GCNT1: variants seen among roughly 807,000 people sequenced by gnomAD.
GCNT1 encodes beta-1,3-galactosyl-O-glycosyl-glycoprotein beta-1,6-N-acetylglucosaminyltransferase.
A neutral mutation model predicts 26.2 loss-of-function variants in GCNT1; 16 were observed. That is an observed-to-expected ratio of 0.61 (90% CI 0.41 to 0.93). GCNT1 has a LOEUF of 0.93. Among genes scored for constraint, GCNT1 ranks in the 40% least tolerant of loss-of-function variants. The pLI is 0.00. For synonymous variants in GCNT1, 183 were observed against 190.8 expected, an observed-to-expected ratio of 0.96 and a Z score of 0.34; for missense variants, 477 against 526.7, an observed-to-expected ratio of 0.91 and a Z score of 0.92.
intron 1 of GCNT1, among the ~76,000 whole-genome samples, chr9:76,427,328 C>T (rs1449147491): frequency 6.6e-6 from 1 of 151,694 alleles, no homozygotes; most frequent in Non-Finnish European, 1.5e-5. Context: ...ACTACAGCTA[C>T]GCACCCATGC....
chr9:76,407,325 T>C, the GCNT1 span, among the ~76,000 whole-genome samples: 1 of 152,236 alleles, frequency 6.6e-6, no homozygotes, highest in South Asian at 2.1e-4. Flanking sequence ...CTTTTTTTTT[T>C]CCTGCATGTA....
upstream of GCNT1, among the ~76,000 whole-genome samples, chr9:76,455,777 T>G (rs1823749565): frequency 6.6e-6 from 1 of 152,124 alleles, no homozygotes; most frequent in Non-Finnish European, 1.5e-5. Context: ...AATTTTTATA[T>G]TTTTAGTAGA....
chr9:76,469,120 T>G (rs1290957255), intron 2 of GCNT1, among the ~76,000 whole-genome samples: 1 of 151,972 alleles, frequency 6.6e-6, no homozygotes, highest in Admixed American at 6.6e-5. Flanking sequence ...AAACTAAGTG[T>G]CAAGATTTAG....
chr9:76,487,256 T>C (rs917964057), intron 2 of GCNT1, among the ~76,000 whole-genome samples: 2 of 152,170 alleles, frequency 1.3e-5, no homozygotes, highest in Non-Finnish European at 2.9e-5. Context: ...TTGGGTGGCG[T>C]TTGGGCTCCC....
the GCNT1 span, among the ~76,000 whole-genome samples, chr9:76,396,716 C>T: frequency 2.6e-5 from 4 of 152,096 alleles, no homozygotes; most frequent in Admixed American, 2.6e-4. Context: ...GTGGCGCTCA[C>T]CTGTGGTCCT....
chr9:76,399,390 G>A, the GCNT1 span: 1 of 1,470,210 alleles, frequency 6.8e-7, no homozygotes. Flanking sequence ...CAGGGTGAAT[G>A]GACTGCTCCA....
intron 1 of GCNT1, among the ~76,000 whole-genome samples, chr9:76,445,564 T>A (rs528368403): frequency 6.6e-6 from 1 of 151,548 alleles, no homozygotes; most frequent in African/African-American, 2.4e-5. Flanking sequence ...ATTTTTGTAT[T>A]TCTTTTTTGG....
intron 1 of GCNT1, among the ~76,000 whole-genome samples, chr9:76,428,439 A>G (rs1392486749): frequency 6.6e-6 from 1 of 152,046 alleles, no homozygotes; most frequent in Non-Finnish European, 1.5e-5. Flanking sequence ...TACATAAAAT[A>G]AATGAGAATA....
chr9:76,493,689 T>C (rs181403153), intron 2 of GCNT1, among the ~76,000 whole-genome samples: 1 of 152,084 alleles, frequency 6.6e-6, no homozygotes. Flanking sequence ...AGGAGAGCTA[T>C]AGGGAGGCTA....
chr9:76,427,785 G>A (rs945435244), intron 1 of GCNT1, among the ~76,000 whole-genome samples: 4 of 152,216 alleles, frequency 2.6e-5, no homozygotes, highest in South Asian at 2.1e-4. Context: ...CCAGGAGTTC[G>A]AGACCACCCT....
intron 2 of GCNT1, among the ~76,000 whole-genome samples, chr9:76,482,013 C>T (rs1200929853): frequency 6.6e-6 from 1 of 152,150 alleles, no homozygotes; most frequent in African/African-American, 2.4e-5. Context: ...CCCCAGGTAA[C>T]ATTGTCTTTA....
intron 1 of GCNT1, among the ~76,000 whole-genome samples, chr9:76,425,440 C>T (rs1823248178): frequency 6.6e-6 from 1 of 152,064 alleles, no homozygotes; most frequent in Non-Finnish European, 1.5e-5. Context: ...CTAGGCTGGT[C>T]TTGAACTCCT....
chr9:76,506,112 CGAT>C lies in GCNT1; in HGVS notation c.*2446_*2448del, dbSNP rs1167807290. Reference sequence around the variant, plus strand: ...TGACAAGAAATTTAAAGAATCAAAACGATGGTTTGAAAAGGAAACCTATGATAC... The same window carrying C: ...TGACAAGAAATTTAAAGAATCAAAACGGTTTGAAAAGGAAACCTATGATAC... On this transcript the variant is annotated 3_prime_UTR_variant, in exon 4 of 4. Transcript: ENST00000376730. 6 of 166,858 alleles carry C rather than the reference CGAT, an allele frequency of 3.6e-5. No individual in the cohort carries two copies. The highest frequency in any genetic ancestry group is 5.9e-5 in the Non-Finnish European group (4 of 68,094). 10.3% of individuals were successfully genotyped at this position (166,858 alleles called of 1,614,324 possible). A position where few individuals can be genotyped will look rare whatever the true frequency, so the allele number is the denominator to read the frequency against.
chr9:76,414,728 A>G, the GCNT1 span, among the ~76,000 whole-genome samples: 1 of 152,188 alleles, frequency 6.6e-6, no homozygotes, highest in African/African-American at 2.4e-5. Flanking sequence ...TAGCATGCTA[A>G]TGCATTATAA....
At chr9:76,418,282 A>T (rs76926554), upstream of GCNT1, among the ~76,000 whole-genome samples, 13,429 of 152,292 alleles carry the variant, frequency 0.088, 854 homozygotes, top group African/African-American at 0.17. Context: ...TCATGCTGAG[A>T]AAGCCTCCAG....
chr9:76,441,468 G>C (rs151309151), upstream of GCNT1, among the ~76,000 whole-genome samples: 6 of 152,128 alleles, frequency 3.9e-5, no homozygotes, highest in Non-Finnish European at 5.9e-5. Flanking sequence ...ATTTGTTAAG[G>C]TTCCATAAGT....
At chr9:76,410,726 CA>C in the GCNT1 span, among the ~76,000 whole-genome samples, 1 of 152,180 alleles carries the variant, frequency 6.6e-6, no homozygotes, top group Non-Finnish European at 1.5e-5. Flanking sequence ...TTGGGTAAAG[CA>C]GTCTAGAAAT....
intron 1 of GCNT1, among the ~76,000 whole-genome samples, chr9:76,434,725 CT>C (rs1451034708): frequency 2.0e-5 from 3 of 152,174 alleles, no homozygotes; most frequent in Non-Finnish European, 4.4e-5. Context: ...TATTTTTCTT[CT>C]TGCAGAGAGC....
the GCNT1 span, among the ~76,000 whole-genome samples, chr9:76,406,872 T>C: frequency 6.6e-6 from 1 of 151,432 alleles, no homozygotes; most frequent in Non-Finnish European, 1.5e-5. Flanking sequence ...AAAATCCAGT[T>C]TCTATTAAAA....
Sources: gnomAD v4.1 joint callset for allele counts (sites outside exome capture counted in the v4.1 genomes callset) on GRCh38, gnomAD v4.1.1 for gene constraint, MANE v1.5 for transcripts, NCBI Gene and HGNC (gene_info 2026-07-23, HGNC 2026-07-21) for gene names.